Variants in NKAIN2 observed in about 807,000 individuals in gnomAD.
The protein encoded by NKAIN2 is sodium/potassium-transporting ATPase subunit beta-1-interacting protein 2.
NKAIN2 carries 14 observed loss-of-function variants against 32.6 expected under a neutral mutation model. The observed-to-expected ratio is 0.43, with a 90% CI of 0.28 to 0.67. The LOEUF (loss-of-function observed/expected upper bound fraction) is 0.67, where lower values mean the gene tolerates loss of function less well. Ranked by LOEUF, NKAIN2 falls within the 30% of genes least tolerant of loss-of-function variation. The pLI is 0.17. For missense variants in NKAIN2, 198 were observed against 258.3 expected (o/e 0.77, Z 1.60); for synonymous variants, 80 against 87.2 (o/e 0.92, Z 0.46).
chr6:124,559,422 A>G (rs1182021187), intron 3 of NKAIN2, among the ~76,000 whole-genome samples: 3 of 152,186 alleles, frequency 2.0e-5, no homozygotes, highest in South Asian at 4.1e-4. Flanking sequence ...TCATGGATCA[A>G]TGTTCCTAGC....
At chr6:124,346,702 T>A (rs1006575883) in intron 2 of NKAIN2, among the ~76,000 whole-genome samples, 1 of 151,782 alleles carries the variant, frequency 6.6e-6, no homozygotes, top group African/African-American at 2.4e-5. Flanking sequence ...TCTTCCTCCA[T>A]CCTTTTATTT....
At chr6:124,486,572 T>C (rs1211541127) in intron 3 of NKAIN2, among the ~76,000 whole-genome samples, 1 of 152,200 alleles carries the variant, frequency 6.6e-6, no homozygotes, top group Non-Finnish European at 1.5e-5. Context: ...TACAAATATG[T>C]AGTTTAAGTG....
At chr6:124,658,063 G>T in intron 3 of NKAIN2, 123 bp from the exon 4 acceptor site, 3 of 690,014 alleles carry the variant, frequency 4.3e-6, no homozygotes, top group Non-Finnish European at 7.3e-6. Flanking sequence ...TACAGCATGG[G>T]GTAGGAAAAA....
At chr6:123,926,921 G>T (rs1582792146) in intron 1 of NKAIN2, among the ~76,000 whole-genome samples, 1 of 152,160 alleles carries the variant, frequency 6.6e-6, no homozygotes, top group South Asian at 2.1e-4. Flanking sequence ...GGAAGAAGCT[G>T]CTGCTAAGTC....
chr6:124,626,445 A>T (rs201310564), intron 3 of NKAIN2, among the ~76,000 whole-genome samples: 2 of 61,348 alleles, frequency 3.3e-5, no homozygotes, highest in Non-Finnish European at 1.1e-4. Context: ...TGTTATTATC[A>T]GCTTTATACA....
chr6:123,985,292 C>T (rs1004969909), intron 1 of NKAIN2, among the ~76,000 whole-genome samples: 18 of 152,060 alleles, frequency 1.2e-4, no homozygotes, highest in African/African-American at 3.9e-4. Flanking sequence ...CCCAGCTACT[C>T]GGGAGGCTGA....
At chr6:124,801,088 C>T (rs941719429) in intron 5 of NKAIN2, among the ~76,000 whole-genome samples, 1 of 152,102 alleles carries the variant, frequency 6.6e-6, no homozygotes, top group African/African-American at 2.4e-5. Flanking sequence ...CCCGTCACCC[C>T]GACTGTCCTA....
intron 1 of NKAIN2, among the ~76,000 whole-genome samples, chr6:123,952,614 A>G (rs1777381351): frequency 6.6e-6 from 1 of 152,202 alleles, no homozygotes; most frequent in Non-Finnish European, 1.5e-5. Flanking sequence ...CCTGGGTTAT[A>G]TCAACAAAAG....
chr6:123,910,499 G>GTGTTTTTT (rs1491095246), intron 1 of NKAIN2, among the ~76,000 whole-genome samples: 8 of 81,320 alleles, frequency 9.8e-5, no homozygotes, highest in African/African-American at 4.0e-4. Context: ...TGCAATGCAT[G>GTGTTTTTT]TTTTTTTTTT....
intron 1 of NKAIN2, among the ~76,000 whole-genome samples, chr6:123,945,460 T>A (rs1465582778): frequency 6.6e-6 from 1 of 152,086 alleles, no homozygotes; most frequent in Non-Finnish European, 1.5e-5. Context: ...GAAGGTGAGA[T>A]CCAGGCTGCA....
chr6:124,253,549 C>T (rs1793780801), intron 1 of NKAIN2, among the ~76,000 whole-genome samples: 1 of 152,124 alleles, frequency 6.6e-6, no homozygotes. Context: ...TAAGTCCTCC[C>T]TAGTCCAATA....
rs1291090028 is a variant in NKAIN2 at position 124,824,819 on chromosome 6, C to T, written c.*1590C>T. 1 of 152,134 alleles carries T rather than the reference C, an allele frequency of 6.6e-6. No individual in the cohort carries two copies. Among genetic ancestry groups the T allele is most frequent in the Non-Finnish European group, 1.5e-5 (1 of 68,016 alleles). 9.4% of individuals were successfully genotyped at this position (152,134 alleles called of 1,614,324 possible). On this transcript the variant is annotated 3_prime_UTR_variant, in exon 7 of 7. Transcript: ENST00000368417. ...GATTAAACTACTTTAGACCTTAGCC[C>T]ATTCGGATCTACATACACCAGTTCC...
intron 3 of NKAIN2, among the ~76,000 whole-genome samples, chr6:124,571,424 G>A (rs908459569): frequency 5.3e-5 from 8 of 152,144 alleles, no homozygotes; most frequent in African/African-American, 1.9e-4. Flanking sequence ...ACGTGTTGTG[G>A]GAGGGACCCA....
chr6:123,981,032 G>T (rs1364021332), intron 1 of NKAIN2, among the ~76,000 whole-genome samples: 3 of 151,986 alleles, frequency 2.0e-5, no homozygotes, highest in Non-Finnish European at 4.4e-5. Context: ...ACCATGCCCG[G>T]CTATTTTTTG....
At chr6:123,973,726 C>T (rs1778435080) in intron 1 of NKAIN2, among the ~76,000 whole-genome samples, 1 of 151,996 alleles carries the variant, frequency 6.6e-6, no homozygotes, top group Non-Finnish European at 1.5e-5. Context: ...TTGCACCAAC[C>T]TAAATCGTGT....
chr6:124,668,437 A>G (rs2114465574), intron 4 of NKAIN2, among the ~76,000 whole-genome samples: 1 of 152,214 alleles, frequency 6.6e-6, no homozygotes, highest in South Asian at 2.1e-4. Flanking sequence ...AATAGAGACT[A>G]TTCCTTTTTC....
At chr6:123,863,175 T>A (rs536574816) in intron 1 of NKAIN2, among the ~76,000 whole-genome samples, 1 of 152,314 alleles carries the variant, frequency 6.6e-6, no homozygotes, top group Non-Finnish European at 1.5e-5. Flanking sequence ...GAAACATTTA[T>A]GTTGAAAGAG....
chr6:123,834,488 T>C (rs1430474754), intron 1 of NKAIN2, among the ~76,000 whole-genome samples: 3 of 152,190 alleles, frequency 2.0e-5, no homozygotes, highest in Admixed American at 2.0e-4. Flanking sequence ...TCTTCTATAT[T>C]TTCTACATAG....
At chr6:124,545,926 A>G (rs561675876) in intron 3 of NKAIN2, among the ~76,000 whole-genome samples, 1 of 152,248 alleles carries the variant, frequency 6.6e-6, no homozygotes, top group Admixed American at 6.5e-5. Flanking sequence ...ATGACACATT[A>G]GAAGTAAGTA....
Sources: allele counts gnomAD v4.1 joint callset (sites outside exome capture counted in the v4.1 genomes callset), GRCh38; gene constraint gnomAD v4.1.1; transcripts MANE v1.5; gene names NCBI Gene and HGNC (gene_info 2026-07-23, HGNC 2026-07-21).